MTRF1: variants seen among roughly 807,000 people sequenced by gnomAD.
MTRF1 encodes mitochondrial translation release factor 1.
In MTRF1, 51 loss-of-function variants were observed where a neutral mutation model predicts 62.9. The ratio of observed to expected loss-of-function variants is 0.81; its 90% CI spans 0.65 to 1.02. MTRF1 has a LOEUF of 1.02. Ranked by LOEUF, MTRF1 falls within the 50% of genes least tolerant of loss-of-function variation. The probability of loss-of-function intolerance (pLI) is 0.00; values close to 1 mark genes in which losing one functional copy is unlikely to be tolerated. For synonymous variants in MTRF1, 158 were observed against 181.9 expected, an observed-to-expected ratio of 0.87 and a Z score of 1.06; for missense variants, 446 against 530.0, an observed-to-expected ratio of 0.84 and a Z score of 1.56.
intron 8 of MTRF1, among the ~76,000 whole-genome samples, chr13:41,225,137 G>A (rs750520166): frequency 4.0e-5 from 6 of 151,604 alleles, no homozygotes; most frequent in Middle Eastern, 3.2e-3. Flanking sequence ...GCTTGAACCC[G>A]GGAGGCAGAG....
chr13:41,244,562 G>A (rs1397589026), intron 5 of MTRF1, among the ~76,000 whole-genome samples: 4 of 152,164 alleles, frequency 2.6e-5, no homozygotes, highest in Non-Finnish European at 5.9e-5. Flanking sequence ...TTCCCTCCCA[G>A]CTGGTCTGTA....
upstream of MTRF1, among the ~76,000 whole-genome samples, chr13:41,266,232 A>C (rs1321799496): frequency 6.6e-6 from 1 of 151,910 alleles, no homozygotes; most frequent in Non-Finnish European, 1.5e-5. Context: ...TCCTGGGATT[A>C]CAGGTGTGAG....
chr13:41,226,782 C>T (rs1038261930), intron 7 of MTRF1, among the ~76,000 whole-genome samples: 8 of 152,166 alleles, frequency 5.3e-5, no homozygotes, highest in African/African-American at 1.7e-4. Context: ...CGTATGAGCA[C>T]CCAGAAAGCA....
At chr13:41,284,386 G>A in the MTRF1 span, among the ~76,000 whole-genome samples, 1 of 151,224 alleles carries the variant, frequency 6.6e-6, no homozygotes. Context: ...GGGAGGCTCA[G>A]GCAGGAGAAT....
chr13:41,228,059 G>T (rs1443507690), intron 7 of MTRF1, among the ~76,000 whole-genome samples: 1 of 152,172 alleles, frequency 6.6e-6, no homozygotes, highest in Non-Finnish European at 1.5e-5. Flanking sequence ...CTTGTCAGCT[G>T]ATCTGTACTG....
At chr13:41,247,853 T>C (rs891658350) in intron 5 of MTRF1, among the ~76,000 whole-genome samples, 5 of 152,116 alleles carry the variant, frequency 3.3e-5, no homozygotes, top group Non-Finnish European at 7.3e-5. Flanking sequence ...TATTTTCACA[T>C]TGGGCCCACT....
At chr13:41,230,507 G>A (rs1207485063) in intron 7 of MTRF1, among the ~76,000 whole-genome samples, 3 of 149,902 alleles carry the variant, frequency 2.0e-5, no homozygotes, top group Non-Finnish European at 4.4e-5. Context: ...CAGGTGATCT[G>A]TCTGCCTTGG....
the MTRF1 span, among the ~76,000 whole-genome samples, chr13:41,273,426 G>A: frequency 1.3e-5 from 2 of 152,148 alleles, no homozygotes; most frequent in African/African-American, 4.8e-5. Context: ...GGTTAATTTA[G>A]AAAGCTTATT....
At chr13:41,255,590 G>T (rs1450442888) in intron 2 of MTRF1, among the ~76,000 whole-genome samples, 1 of 152,148 alleles carries the variant, frequency 6.6e-6, no homozygotes, top group African/African-American at 2.4e-5. Flanking sequence ...TACTCGGGAG[G>T]CTGAGGCAGG....
the MTRF1 span, chr13:41,311,282 C>T: frequency 2.9e-5 from 14 of 484,184 alleles, no homozygotes; most frequent in East Asian, 3.8e-4. Context: ...GCGCGGGAAC[C>T]GCCGCCGCCG....
At chr13:41,304,400 A>G in the MTRF1 span, among the ~76,000 whole-genome samples, 7 of 152,312 alleles carry the variant, frequency 4.6e-5, no homozygotes, top group South Asian at 1.0e-3. Context: ...TCAGCCTCAC[A>G]AGTAGCTGGA....
chr13:41,267,863 GA>G (rs61467590), upstream of MTRF1, among the ~76,000 whole-genome samples: 11,273 of 149,608 alleles, frequency 0.075, 503 homozygotes, highest in Middle Eastern at 0.12. Context: ...AGAAACTGTT[GA>G]AAAAAAAAAA....
intron 7 of MTRF1, among the ~76,000 whole-genome samples, chr13:41,231,932 T>A (rs1213518055): frequency 6.7e-6 from 1 of 148,512 alleles, no homozygotes; most frequent in African/African-American, 2.5e-5. Context: ...CAAGCGCCTA[T>A]AGTTCCAGCT....
chr13:41,261,199 T>C (rs1438620956), intron 1 of MTRF1: 2 of 230,558 alleles, frequency 8.7e-6, no homozygotes, highest in African/African-American at 4.5e-5. Flanking sequence ...CCGGGCGTGG[T>C]GGCAGGCGCC....
At chr13:41,226,770 T>A (rs2034503374) in intron 7 of MTRF1, among the ~76,000 whole-genome samples, 1 of 152,208 alleles carries the variant, frequency 6.6e-6, no homozygotes. Context: ...AAATGAGAAC[T>A]CCGTATGAGC....
In MTRF1 at chr13:41,240,409, CG is replaced by C; in HGVS notation, c.721del (p.Arg241GlufsTer11). The C allele has an allele frequency of 6.2e-7, 1 of 1,613,362 alleles. No individual in the cohort carries two copies. ...DYGGLHHAAA[R>X]ISGDGVYKHL... The stretch of plus-strand genomic sequence containing the variant: ...CTTATAGACACCGTCACCGGAAATT[CG>C]GGCGGCTGCATGATGTAGTCCACCT... On this transcript the variant is annotated frameshift_variant, in exon 6 of 10. Coordinates refer to ENST00000379480, the MANE Select transcript of MTRF1 (RefSeq NM_004294.4). LOFTEE classifies it high-confidence loss of function.
the MTRF1 span, among the ~76,000 whole-genome samples, chr13:41,274,520 C>T: frequency 6.6e-6 from 1 of 152,006 alleles, no homozygotes; most frequent in African/African-American, 2.4e-5. Flanking sequence ...AATGCCCAGA[C>T]ATATAAGTAC....
chr13:41,307,899 A>T, the MTRF1 span, among the ~76,000 whole-genome samples: 4 of 152,242 alleles, frequency 2.6e-5, no homozygotes, highest in Middle Eastern at 3.2e-3. Context: ...GATATTAAAT[A>T]TGAGTATTTA....
At chr13:41,258,611 A>G (rs1012284593) in intron 2 of MTRF1, among the ~76,000 whole-genome samples, 1 of 151,622 alleles carries the variant, frequency 6.6e-6, no homozygotes, top group African/African-American at 2.4e-5. Flanking sequence ...TACACCATAT[A>G]CAAAAATAAC....
Sources: gnomAD v4.1 joint callset for allele counts (sites outside exome capture counted in the v4.1 genomes callset) on GRCh38, gnomAD v4.1.1 for gene constraint, MANE v1.5 for transcripts, NCBI Gene and HGNC (gene_info 2026-07-23, HGNC 2026-07-21) for gene names.